FOCAD: variants seen among roughly 807,000 people sequenced by gnomAD.
FOCAD encodes the protein KIAA1797.
In FOCAD, 198 loss-of-function variants were observed where a neutral mutation model predicts 225.6. That is an observed-to-expected ratio of 0.88 (90% confidence interval 0.78 to 0.99). The LOEUF is 0.99. Ranked by LOEUF, FOCAD falls within the 50% of genes least tolerant of loss-of-function variation. FOCAD has a pLI of 0.00. For synonymous variants in FOCAD, 897 were observed against 755.0 expected, an observed-to-expected ratio of 1.19 and a Z score of -3.08; for missense variants, 2,713 against 2,123.6, an observed-to-expected ratio of 1.28 and a Z score of -5.46.
At chr9:20,832,775 A>G (rs1044327182) in intron 15 of FOCAD, among the ~76,000 whole-genome samples, 1 of 152,018 alleles carries the variant, frequency 6.6e-6, no homozygotes, top group Admixed American at 6.6e-5. Context: ...TGGTGTGGCA[A>G]ATGACAGGAC....
In FOCAD at chr9:20,823,130, A is replaced by G; in HGVS notation, c.1920+15A>G. 6.3e-7 allele frequency: 1 copy of G among 1,599,908 alleles called. No homozygotes were observed. Reference sequence around the variant, plus strand: ...GTCAAGCTGAGGTAGGCATTTTTAAATTGCTTTGGATAATTTTGAAGAAAA... The same window carrying G: ...GTCAAGCTGAGGTAGGCATTTTTAAGTTGCTTTGGATAATTTTGAAGAAAA... On this transcript the variant is annotated intron_variant, in intron 15 of 43. Transcript: ENST00000338382.
At chr9:20,855,465 T>A (rs1172717197) in intron 15 of FOCAD, among the ~76,000 whole-genome samples, 1 of 151,586 alleles carries the variant, frequency 6.6e-6, no homozygotes, top group Non-Finnish European at 1.5e-5. Context: ...ATTAAAAAAA[T>A]TTAGTTATGA....
intron 35 of FOCAD, among the ~76,000 whole-genome samples, chr9:20,965,667 C>T (rs879795411): frequency 3.3e-5 from 5 of 152,140 alleles, no homozygotes; most frequent in African/African-American, 7.2e-5. Context: ...AAACATTAAG[C>T]CCATTGAACA....
intron 22 of FOCAD, among the ~76,000 whole-genome samples, chr9:20,911,987 A>T (rs1351306310): frequency 1.3e-5 from 2 of 152,128 alleles, no homozygotes; most frequent in Non-Finnish European, 2.9e-5. Flanking sequence ...CATAGTGAAG[A>T]CCATTTCATA....
intron 4 of FOCAD, among the ~76,000 whole-genome samples, chr9:20,731,437 A>G (rs971019168): frequency 2.0e-5 from 3 of 152,096 alleles, no homozygotes; most frequent in African/African-American, 7.3e-5. Context: ...TAGCATTCAT[A>G]TTATTTTGTA....
chr9:20,957,670 TCTC>T (rs1564203439), intron 35 of FOCAD: 1 of 51,214 alleles, frequency 2.0e-5, no homozygotes, highest in Non-Finnish European at 4.3e-5. Context: ...GATATCTCTC[TCTC>T]TTTTTTTTTT....
In FOCAD at chr9:20,923,725, G is replaced by A. The variant is rs1564158084; in HGVS notation, c.2918G>A (p.Arg973Lys). Residue 973 changes from arginine (R) to lysine (K), a missense_variant, in exon 25 of 44, where the codon AGA (arginine) becomes AAA (lysine). Physicochemically the swap from Arg to Lys is conservative, Grantham distance 26 (BLOSUM62 2). Transcript: ENST00000338382. ...ALSSLAVVVS[R>K]HEASLSSDSD... is the part of the protein sequence containing the mutation. ...AGCAGCCTTGCTGTCGTCGTATCTA[G>A]ACATGAAGCCAGCCTCTCCTCAGAC... 1 of 1,613,974 alleles carries A rather than the reference G, an allele frequency of 6.2e-7. No homozygotes were observed. Among genetic ancestry groups the A allele is most frequent in the Non-Finnish European group, 8.5e-7 (1 of 1,179,938 alleles).
chr9:20,982,657 A>G (rs1050783945), intron 39 of FOCAD, among the ~76,000 whole-genome samples: 3 of 152,212 alleles, frequency 2.0e-5, no homozygotes, highest in African/African-American at 4.8e-5. Context: ...GGATAGATGG[A>G]TGAATAACTT....
intron 39 of FOCAD, among the ~76,000 whole-genome samples, chr9:20,984,626 C>T (rs138720751): frequency 6.6e-6 from 1 of 152,220 alleles, no homozygotes; most frequent in African/African-American, 2.4e-5. Flanking sequence ...ATTCTCATGG[C>T]AGCTTCTTCA....
At chr9:20,812,125 A>G (rs1823143528) in intron 11 of FOCAD, among the ~76,000 whole-genome samples, 2 of 152,058 alleles carry the variant, frequency 1.3e-5, no homozygotes, top group Middle Eastern at 3.2e-3. Flanking sequence ...CACTTTTGTA[A>G]TTCAGGTCTA....
chr9:20,981,458 A>C lies in FOCAD; in HGVS notation c.4410A>C (p.Ala1470=). ...LNTKRYLLIS[A]PLWIKHISDE... is the part of the protein sequence containing the mutation. ...CCAAGAGATATCTCCTGATATCTGC[A>C]CCTCTGTGGATAAAACACATCTCTG... Residue 1470 remains alanine (A), a synonymous_variant, in exon 38 of 44, where the codon GCA becomes GCC. Coordinates refer to ENST00000338382, the MANE Select transcript of FOCAD (RefSeq NM_001375567.1). 1 of 1,614,118 alleles carries C rather than the reference A, an allele frequency of 6.2e-7. No individual in the cohort carries two copies. The highest frequency in any genetic ancestry group is 8.5e-7 in the Non-Finnish European group (1 of 1,179,974).
At chr9:20,976,366 A>G in intron 35 of FOCAD, 54 bp from the exon 36 acceptor site, 10 of 1,561,516 alleles carry the variant, frequency 6.4e-6, no homozygotes, top group South Asian at 1.1e-5. Flanking sequence ...GGCATTTTCC[A>G]CTTCCATGAT....
chr9:20,703,881 T>A (rs1224347210), intron 1 of FOCAD, among the ~76,000 whole-genome samples: 1 of 152,158 alleles, frequency 6.6e-6, no homozygotes, highest in Non-Finnish European at 1.5e-5. Flanking sequence ...GGTTCCAAGA[T>A]GGTAAGTGAT....
At chr9:20,751,892 A>G (rs1468404042) in intron 5 of FOCAD, among the ~76,000 whole-genome samples, 2 of 143,086 alleles carry the variant, frequency 1.4e-5, no homozygotes, top group South Asian at 4.8e-4. Context: ...TTTGATTTGC[A>G]TTTCTCTAAG....
rs1842015823 is a variant in FOCAD at position 20,995,785 on chromosome 9, G to A, written c.*156G>A. 8.7e-6 allele frequency: 5 copies of A among 576,000 alleles called. No homozygotes were observed. In the Admixed American group the frequency reaches 8.9e-5, roughly 10 times the overall value. 35.7% of individuals were successfully genotyped at this position (576,000 alleles called of 1,614,324 possible). On this transcript the variant is annotated 3_prime_UTR_variant, in exon 44 of 44. Transcript: ENST00000338382. ...CCACATCACTGACAGCTTGACACAT[G>A]CCTCCTAAGAGAGGAGTGCATTGCT...
chr9:20,744,168 G>GGGA, intron 5 of FOCAD, among the ~76,000 whole-genome samples: 1 of 152,266 alleles, frequency 6.6e-6, no homozygotes, highest in South Asian at 2.1e-4. Flanking sequence ...GGGTGGTTGT[G>GGGA]GGAGGAGGAG....
chr9:20,839,428 GT>G (rs925420908), intron 15 of FOCAD, among the ~76,000 whole-genome samples: 1 of 151,256 alleles, frequency 6.6e-6, no homozygotes, highest in African/African-American at 2.4e-5. Context: ...CTGACTAATT[GT>G]TTTTGTATTT....
chr9:20,862,018 C>T (rs1015287961), intron 15 of FOCAD, among the ~76,000 whole-genome samples: 14 of 151,924 alleles, frequency 9.2e-5, no homozygotes, highest in South Asian at 2.1e-4. Context: ...CTTAAAAAAC[C>T]GGAATTAACT....
At position 20,946,779 on chromosome 9, in the gene FOCAD, G is replaced by A. The variant is rs1564189983; in HGVS notation, c.3634G>A (p.Val1212Ile). The A allele has an allele frequency of 1.9e-6, 3 of 1,613,900 alleles. No individual in the cohort carries two copies. The highest frequency in any genetic ancestry group is 2.5e-6 in the Non-Finnish European group (3 of 1,179,810). The stretch of plus-strand genomic sequence containing the variant: ...TATTGAGGCTACAGAGGCTGAGGAT[G>A]TTATGAACAAGCTTCGACTGTTAGT... ...GIIEATEAED[V>I]MNKLRLLVEN... Residue 1212 changes from valine to isoleucine, a missense_variant, in exon 30 of 44, where the codon GTT becomes ATT. Physicochemically the swap from Val to Ile is conservative, Grantham distance 29. Coordinates refer to ENST00000338382, the MANE Select transcript of FOCAD (RefSeq NM_001375567.1).
Sources: gnomAD v4.1 joint callset for allele counts (sites outside exome capture counted in the v4.1 genomes callset) on GRCh38, gnomAD v4.1.1 for gene constraint, MANE v1.5 for transcripts, NCBI Gene and HGNC (gene_info 2026-07-23, HGNC 2026-07-21) for gene names.